DNAJC6: variants seen among roughly 807,000 people sequenced by gnomAD.
DNAJC6 encodes auxilin.
DNAJC6 carries 34 observed loss-of-function variants against 110.0 expected under a neutral mutation model. The ratio of observed to expected loss-of-function variants is 0.31; its 90% CI spans 0.24 to 0.41. DNAJC6 has a LOEUF of 0.41. DNAJC6 is among the 10% of genes least tolerant of loss of function. The pLI is 1.00. For synonymous variants in DNAJC6, 406 were observed against 437.2 expected (o/e 0.93, Z 0.89); for missense variants, 1,031 against 1,207.8 (o/e 0.85, Z 2.17).
rs145175543 is a variant in DNAJC6 at position 65,398,818 on chromosome 1, A to G, written c.2044A>G (p.Ser682Gly). 2.8e-5 allele frequency: 45 copies of G among 1,614,092 alleles called. No homozygotes were observed. Among genetic ancestry groups the G allele is most frequent in the East Asian group, 2.7e-4 (12 of 44,884 alleles). The change falls in exon 14 of 19, where the codon AGT (serine) becomes GGT (glycine). Residue 682 changes from serine to glycine, a missense_variant. Physicochemically the swap from Ser to Gly is moderately conservative, Grantham distance 56. Coordinates refer to ENST00000371069, the MANE Select transcript of DNAJC6 (RefSeq NM_001256864.2). ...RSPSPTVHASSTPAVNIQPDV... is the reference protein window; with the variant it reads ...RSPSPTVHASGTPAVNIQPDV... ...TTTCTTTTCCCCATTTGCAGCTTCT[A>G]GTACGCCTGCTGTGAACATTCAGCC...
Position 65,274,775 on chromosome 1 carries a change from G to C in DNAJC6, c.-131+9843G>C, listed in dbSNP as rs559504478. Among the ~76,000 whole-genome samples, 12 of 152,258 alleles carry C rather than the reference G, an allele frequency of 7.9e-5. No homozygotes were observed. The East Asian group carries it at 1.7e-3, about 22-fold the overall frequency. On this transcript the variant is annotated intron_variant, in intron 1 of 19. Transcript: ENST00000263441. Reference sequence around the variant, plus strand: ...ATGTGTTAAGTGCTATAGCTACCATGTTACTCCTTGTTTCTTATTTGTGTC... The same window carrying C: ...ATGTGTTAAGTGCTATAGCTACCATCTTACTCCTTGTTTCTTATTTGTGTC...
intron 1 of DNAJC6, among the ~76,000 whole-genome samples, chr1:65,318,105 C>T (rs1182386774): frequency 6.6e-6 from 1 of 152,034 alleles, no homozygotes; most frequent in Non-Finnish European, 1.5e-5. Flanking sequence ...CTTTATTCTG[C>T]AGGCAGTGGG....
chr1:65,276,009 G>A (rs879511797), intron 1 of DNAJC6, among the ~76,000 whole-genome samples: 2 of 151,526 alleles, frequency 1.3e-5, no homozygotes, highest in Admixed American at 1.3e-4. Flanking sequence ...AGCCTCCTGA[G>A]TAGCTGGGAT....
intron 11 of DNAJC6, 116 bp downstream of exon 11, chr1:65,389,743 A>G: frequency 1.8e-6 from 2 of 1,121,044 alleles, no homozygotes; most frequent in South Asian, 1.4e-5. Flanking sequence ...CATTCAATCC[A>G]GGCACACGGA....
At chr1:65,377,106 A>G (rs929932514) in intron 4 of DNAJC6, among the ~76,000 whole-genome samples, 3 of 152,220 alleles carry the variant, frequency 2.0e-5, no homozygotes, top group Non-Finnish European at 4.4e-5. Context: ...TTTGTGGACT[A>G]TGGTCTATTC....
At chr1:65,403,663 G>A (rs370718434) in intron 15 of DNAJC6, among the ~76,000 whole-genome samples, 1 of 152,182 alleles carries the variant, frequency 6.6e-6, no homozygotes, top group South Asian at 2.1e-4. Flanking sequence ...GCACAATCAA[G>A]GTTGAGAACT....
intron 1 of DNAJC6, among the ~76,000 whole-genome samples, chr1:65,285,175 C>T (rs1227091915): frequency 2.0e-5 from 3 of 152,200 alleles, no homozygotes; most frequent in African/African-American, 7.2e-5. Flanking sequence ...GCATAAACAG[C>T]AGCAATTGCT....
In DNAJC6 at chr1:65,390,264, A is replaced by G. The variant is rs561882154; in HGVS notation, c.1468+637A>G. Among the ~76,000 whole-genome samples the G allele has an allele frequency of 2.6e-5, 4 of 152,288 alleles. No homozygotes were observed. The South Asian group carries it at 6.2e-4, about 24-fold the overall frequency. On this transcript the variant is annotated intron_variant, in intron 11 of 18. Transcript: ENST00000371069. ...TGTAATGAGATTAACACAGGATTCTATCTTCCGCTGTCAACTAAATATTAT... is the reference window on the plus strand; with the variant it reads ...TGTAATGAGATTAACACAGGATTCTGTCTTCCGCTGTCAACTAAATATTAT...
intron 5 of DNAJC6, among the ~76,000 whole-genome samples, chr1:65,381,251 A>G (rs916005664): frequency 1.3e-5 from 2 of 152,028 alleles, no homozygotes. Flanking sequence ...TTATTATATT[A>G]AAAATAATAA....
chr1:65,319,595 C>T (rs974964810), intron 1 of DNAJC6, among the ~76,000 whole-genome samples: 3 of 80,484 alleles, frequency 3.7e-5, no homozygotes, highest in Non-Finnish European at 7.6e-5. Context: ...ATTATTGAAA[C>T]CAGAATTTTT....
At chr1:65,288,933 C>G (rs1325656437) in intron 1 of DNAJC6, among the ~76,000 whole-genome samples, 1 of 152,068 alleles carries the variant, frequency 6.6e-6, no homozygotes, top group African/African-American at 2.4e-5. Context: ...CAGTTTGGGT[C>G]TGCTATGAAA....
intron 1 of DNAJC6, among the ~76,000 whole-genome samples, chr1:65,294,959 A>G (rs1644915431): frequency 6.6e-6 from 1 of 152,196 alleles, no homozygotes; most frequent in Non-Finnish European, 1.5e-5. Flanking sequence ...TATTTTTGCT[A>G]CATTTATAAT....
At chr1:65,297,560 C>A (rs1644939875) in intron 1 of DNAJC6, among the ~76,000 whole-genome samples, 1 of 152,198 alleles carries the variant, frequency 6.6e-6, no homozygotes, top group African/African-American at 2.4e-5. Context: ...AGTGACAGAT[C>A]TGACTTAATG....
chr1:65,336,352 C>G (rs142090269), intron 1 of DNAJC6, among the ~76,000 whole-genome samples: 424 of 152,214 alleles, frequency 2.8e-3, no homozygotes, highest in Non-Finnish European at 4.2e-3. Context: ...TGGGTCCCTC[C>G]CACAACACAT....
chr1:65,302,155 TTATTA>T (rs1644990457), intron 1 of DNAJC6, among the ~76,000 whole-genome samples: 6 of 141,242 alleles, frequency 4.2e-5, no homozygotes, highest in Admixed American at 3.6e-4. Context: ...TTATATATAT[TTATTA>T]TATATTATAT....
chr1:65,270,636 T>C (rs956717469), intron 1 of DNAJC6, among the ~76,000 whole-genome samples: 4 of 152,174 alleles, frequency 2.6e-5, no homozygotes, highest in Non-Finnish European at 4.4e-5. Flanking sequence ...TCGTTGATTA[T>C]TTTTATGCTA....
chr1:65,369,161 G>T (rs931178807), intron 4 of DNAJC6, among the ~76,000 whole-genome samples: 1 of 152,132 alleles, frequency 6.6e-6, no homozygotes, highest in Admixed American at 6.5e-5. Context: ...ACACAGGATT[G>T]CACTACATCT....
intron 1 of DNAJC6, among the ~76,000 whole-genome samples, chr1:65,339,334 C>G (rs1308611312): frequency 6.6e-6 from 1 of 152,162 alleles, no homozygotes; most frequent in Non-Finnish European, 1.5e-5. Context: ...CCACACAGCT[C>G]CAACTCTGTG....
intron 1 of DNAJC6, among the ~76,000 whole-genome samples, chr1:65,329,846 C>A (rs1007873323): frequency 6.6e-6 from 1 of 152,104 alleles, no homozygotes; most frequent in Non-Finnish European, 1.5e-5. Context: ...AGAAACATTG[C>A]TGGGATGTTT....
Sources: gnomAD v4.1 joint callset for allele counts (sites outside exome capture counted in the v4.1 genomes callset) on GRCh38, gnomAD v4.1.1 for gene constraint, MANE v1.5 for transcripts, NCBI Gene and HGNC (gene_info 2026-07-23, HGNC 2026-07-21) for gene names.